Variants in KAT6A observed in about 807,000 individuals in gnomAD.
The protein encoded by KAT6A is lysine acetyltransferase 6A.
KAT6A carries 9 observed loss-of-function variants against 198.4 expected under a neutral mutation model. That is an observed-to-expected ratio of 0.05 (90% CI 0.03 to 0.08). KAT6A has a LOEUF of 0.08. KAT6A is among the 10% of genes least tolerant of loss of function. The probability of loss-of-function intolerance (pLI) is 1.00; values close to 1 mark genes in which losing one functional copy is unlikely to be tolerated. For synonymous variants in KAT6A, 890 were observed against 883.0 expected (o/e 1.01, Z -0.14); for missense variants, 2,077 against 2,509.9 (o/e 0.83, Z 3.69).
chr8:42,022,925 A>G (rs942441439), intron 2 of KAT6A, among the ~76,000 whole-genome samples: 1 of 152,226 alleles, frequency 6.6e-6, no homozygotes, highest in Non-Finnish European at 1.5e-5. Context: ...AATGATGGGG[A>G]TTCATGCTGA....
chr8:41,937,220 C>A (rs894996797), intron 16 of KAT6A, 36 bp downstream of exon 16: 24 of 1,540,772 alleles, frequency 1.6e-5, no homozygotes, highest in Admixed American at 5.2e-5. Context: ...TATCTGAAGA[C>A]AATAAACCAC....
At chr8:41,953,294 G>C (rs913706133) in intron 9 of KAT6A, among the ~76,000 whole-genome samples, 1 of 152,062 alleles carries the variant, frequency 6.6e-6, no homozygotes, top group East Asian at 1.9e-4. Context: ...AGTAGACAAG[G>C]GGCCTGTGGT....
At position 41,937,385 on chromosome 8, in the gene KAT6A, C is replaced by A; in HGVS notation, c.3223G>T (p.Asp1075Tyr). The change falls in exon 16 of 17, where the codon GAT becomes TAT. Residue 1075 changes from aspartate to tyrosine, a missense_variant. Asp to Tyr is a radical substitution (Grantham distance 160). Transcript: ENST00000265713. ...FEIDEEEEEE[D>Y]ENELFPREYF... ...TCTCTAGGGAAAAGTTCATTTTCAT[C>A]CTCTTCCTCCTCTTCTTCATCGATC... 6.2e-7 allele frequency: 1 copy of A among 1,614,094 alleles called. No homozygotes were observed. The highest frequency in any genetic ancestry group is 8.5e-7 in the Non-Finnish European group (1 of 1,179,968).
At position 41,933,146 on chromosome 8, in the gene KAT6A, G is replaced by C. The variant is rs777504144; in HGVS notation, c.5074C>G (p.Pro1692Ala). The part of the protein sequence containing the change: ...QPQPQPQQPP[P>A]PPPPQQQPPL... ...GGCTGCTGCTGGGGAGGGGGTGGGG[G>C]TGGAGGCTGCTGGGGCTGAGGCTGC... The change falls in exon 17 of 17, where the codon CCC (proline) becomes GCC (alanine). Residue 1692 changes from proline to alanine, a missense_variant. Pro to Ala is a conservative substitution (Grantham distance 27, BLOSUM62 -1). This residue lies in a region of KAT6A where 500 missense variants were observed against 577.2 expected (regional missense o/e 0.87). Transcript: ENST00000265713. This position sits in a 1 kb window ranked among gnomAD's most constrained non-coding sequence, Gnocchi z 6.2. 6.2e-7 allele frequency: 1 copy of C among 1,604,280 alleles called. No homozygotes were observed. Among genetic ancestry groups the C allele is most frequent in the Admixed American group, 1.7e-5 (1 of 59,604 alleles).
At chr8:42,045,527 A>G (rs954401580) in intron 2 of KAT6A, among the ~76,000 whole-genome samples, 2 of 147,324 alleles carry the variant, frequency 1.4e-5, no homozygotes, top group African/African-American at 5.1e-5. Context: ...GTGCCACTGC[A>G]CTCCAGCCTG....
chr8:41,946,381 G>T (rs1489230834), intron 12 of KAT6A, among the ~76,000 whole-genome samples: 1 of 152,004 alleles, frequency 6.6e-6, no homozygotes, highest in African/African-American at 2.4e-5. Flanking sequence ...GGGATTAGAG[G>T]TATGAGCCAC....
chr8:42,009,925 C>CAAAAAAAAAAA (rs1438804898), intron 2 of KAT6A, among the ~76,000 whole-genome samples: 79 of 120,026 alleles, frequency 6.6e-4, no homozygotes, highest in Non-Finnish European at 7.7e-4. Flanking sequence ...CAAAAAAAAA[C>CAAAAAAAAAAA]AAAACCACAA....
intron 12 of KAT6A, among the ~76,000 whole-genome samples, chr8:41,944,284 G>A (rs1418319096): frequency 2.0e-5 from 3 of 152,082 alleles, no homozygotes; most frequent in Admixed American, 6.5e-5. Flanking sequence ...AACGTCCTGG[G>A]GAAAACAAGC....
chr8:41,947,651 T>C lies in KAT6A; in HGVS notation c.1902+100A>G, dbSNP rs1024302876. Reference sequence around the variant, plus strand: ...TCTTTCCAAACAGCTAGATGACACCTAGGAGGTGCTGCATCTTGTTGTGTC... The same window carrying C: ...TCTTTCCAAACAGCTAGATGACACCCAGGAGGTGCTGCATCTTGTTGTGTC... On this transcript the variant is annotated intron_variant, in intron 11 of 16. Coordinates refer to ENST00000265713, the MANE Select transcript of KAT6A (RefSeq NM_006766.5). 4 of 911,092 alleles carry C rather than the reference T, an allele frequency of 4.4e-6. No individual in the cohort carries two copies. The African/African-American group carries it at 6.8e-5, about 16-fold the overall frequency. 56.4% of individuals were successfully genotyped at this position (911,092 alleles called of 1,614,324 possible). A position where few individuals can be genotyped will look rare whatever the true frequency, so the allele number is the denominator to read the frequency against.
intron 6 of KAT6A, among the ~76,000 whole-genome samples, chr8:41,978,069 C>A (rs528550721): frequency 2.0e-5 from 3 of 152,164 alleles, no homozygotes; most frequent in Non-Finnish European, 4.4e-5. Flanking sequence ...CCAGACATAG[C>A]CCAGCTTTCT....
intron 2 of KAT6A, among the ~76,000 whole-genome samples, chr8:42,034,712 A>G (rs1181318498): frequency 1.3e-5 from 2 of 152,222 alleles, no homozygotes; most frequent in Non-Finnish European, 2.9e-5. Context: ...CCATATTGCA[A>G]GAGCTCAATA....
At chr8:41,954,434 T>C (rs12549561) in intron 9 of KAT6A, among the ~76,000 whole-genome samples, 15,743 of 152,246 alleles carry the variant, frequency 0.1, 1,048 homozygotes, top group East Asian at 0.24. Flanking sequence ...CACCATGATG[T>C]ATTATTTCTT....
chr8:41,975,565 CAAG>C (rs1208869333), intron 7 of KAT6A, among the ~76,000 whole-genome samples: 1 of 151,926 alleles, frequency 6.6e-6, no homozygotes, highest in Non-Finnish European at 1.5e-5. Context: ...TAACTTAACA[CAAG>C]AAGAAAAAAG....
chr8:42,048,967 A>G lies in KAT6A; in HGVS notation c.11T>C (p.Leu4Pro). 1 of 1,612,242 alleles carries G rather than the reference A, an allele frequency of 6.2e-7. No homozygotes were observed. Among genetic ancestry groups the G allele is most frequent in the Non-Finnish European group, 8.5e-7 (1 of 1,179,392 alleles). MVKLANPLYTEWIL... is the reference protein window; with the variant it reads MVKPANPLYTEWIL... ...CCACTCAGTATAAAGCGGGTTTGCG[A>G]GTTTTACCATGGTGAAGGATTCTGT... The change falls in exon 2 of 17, where the codon CTC becomes CCC. Residue 4 changes from leucine (L) to proline (P), a missense_variant. Around this residue, in one of 13 missense-constraint regions of KAT6A, gnomAD observed 35 missense variants for 76.6 expected, o/e 0.46. Coordinates refer to ENST00000265713, the MANE Select transcript of KAT6A (RefSeq NM_006766.5).
chr8:42,044,746 T>C (rs1169521285), intron 2 of KAT6A, among the ~76,000 whole-genome samples: 1 of 152,184 alleles, frequency 6.6e-6, no homozygotes, highest in Non-Finnish European at 1.5e-5. Context: ...GACAGAACTG[T>C]TTCTGTTCCA....
At chr8:41,994,673 T>C (rs1825106501) in intron 2 of KAT6A, among the ~76,000 whole-genome samples, 1 of 152,166 alleles carries the variant, frequency 6.6e-6, no homozygotes, top group South Asian at 2.1e-4. Context: ...CATGTGTGTA[T>C]GTATATCTTA....
chr8:41,989,542 T>TCAC, intron 2 of KAT6A, among the ~76,000 whole-genome samples: 1 of 151,606 alleles, frequency 6.6e-6, no homozygotes, highest in African/African-American at 2.4e-5. Flanking sequence ...TGACGTGACG[T>TCAC]GACGTGACGT....
chr8:41,940,188 G>A (rs1475316730), intron 15 of KAT6A, among the ~76,000 whole-genome samples: 1 of 152,206 alleles, frequency 6.6e-6, no homozygotes, highest in African/African-American at 2.4e-5. Context: ...CATAGCCTGG[G>A]ATGTTTCTGG....
intron 2 of KAT6A, 147 bp downstream of exon 2, chr8:42,048,231 T>C (rs569990172): frequency 1.7e-5 from 12 of 726,554 alleles, no homozygotes; most frequent in South Asian, 1.3e-4. Flanking sequence ...GAAGCTCTCA[T>C]AGCTACAACT....
Sources: allele counts gnomAD v4.1 joint callset (sites outside exome capture counted in the v4.1 genomes callset), GRCh38; gene constraint gnomAD v4.1.1; regional missense constraint gnomAD v4.1.1; non-coding constraint Gnocchi (gnomAD v3.1); transcripts MANE v1.5; gene names NCBI Gene and HGNC (gene_info 2026-07-23, HGNC 2026-07-21).